CA10: variants seen among roughly 807,000 people sequenced by gnomAD.
The protein encoded by CA10 is carbonic anhydrase 10 (inactive), also known as carbonic anhydrase-related protein 10.
A neutral mutation model predicts 44.2 loss-of-function variants in CA10; 14 were observed. That is an observed-to-expected ratio of 0.32 (90% confidence interval 0.21 to 0.50). CA10 has a LOEUF of 0.50. Ranked by LOEUF, CA10 falls within the 20% of genes least tolerant of loss-of-function variation. The pLI is 0.99. For synonymous variants in CA10, 159 were observed against 141.6 expected (o/e 1.12, Z -0.87); for missense variants, 350 against 409.7 (o/e 0.85, Z 1.26).
chr17:51,863,269 C>T (rs574492155), intron 3 of CA10, among the ~76,000 whole-genome samples: 62 of 152,292 alleles, frequency 4.1e-4, no homozygotes, highest in African/African-American at 1.3e-3. Flanking sequence ...TTATTCCATA[C>T]GCTGCTCTTT....
intron 2 of CA10, among the ~76,000 whole-genome samples, chr17:52,009,326 A>G (rs1985707932): frequency 6.6e-6 from 1 of 152,000 alleles, no homozygotes; most frequent in Non-Finnish European, 1.5e-5. Context: ...TGTTCTATAC[A>G]AAGCAAAACA....
At chr17:52,155,840 T>C (rs927778897) in intron 1 of CA10, among the ~76,000 whole-genome samples, 8 of 152,362 alleles carry the variant, frequency 5.3e-5, no homozygotes, top group Non-Finnish European at 7.3e-5. Flanking sequence ...ATGTACTCCA[T>C]AGCACTCCTC....
Position 52,088,022 on chromosome 17 carries a change from T to C in CA10, c.62-15629A>G, listed in dbSNP as rs145735388. On this transcript the variant is annotated intron_variant, in intron 1 of 8. Transcript: ENST00000451037. ...CATGTTTTCACAAGTGGGAGCTAAATGATGAGAGCACATGGACACATAGCA... is the reference window on the plus strand; with the variant it reads ...CATGTTTTCACAAGTGGGAGCTAAACGATGAGAGCACATGGACACATAGCA... Among the ~76,000 whole-genome samples the C allele has an allele frequency of 4.0e-3, 603 of 152,118 alleles. 2 individuals are homozygous for C. Among genetic ancestry groups the C allele is most frequent in the African/African-American group, 0.014 (572 of 41,494 alleles).
At chr17:51,889,249 T>C (rs971897060) in intron 3 of CA10, among the ~76,000 whole-genome samples, 4 of 152,128 alleles carry the variant, frequency 2.6e-5, no homozygotes, top group African/African-American at 9.7e-5. Context: ...TGGGCAGGTA[T>C]GGTGGCTCAT....
intron 3 of CA10, among the ~76,000 whole-genome samples, chr17:51,833,647 A>G (rs1908366780): frequency 6.6e-6 from 1 of 152,246 alleles, no homozygotes; most frequent in Non-Finnish European, 1.5e-5. Flanking sequence ...CTGTCAGAGT[A>G]TAAGAAAAGG....
At chr17:51,998,899 T>C (rs770759684) in intron 2 of CA10, among the ~76,000 whole-genome samples, 4 of 152,052 alleles carry the variant, frequency 2.6e-5, no homozygotes, top group Admixed American at 6.6e-5. Flanking sequence ...TTTCTTCCAC[T>C]TCACATAAAC....
At chr17:51,756,502 T>C (rs1905085480) in intron 3 of CA10, among the ~76,000 whole-genome samples, 1 of 148,342 alleles carries the variant, frequency 6.7e-6, no homozygotes, top group Non-Finnish European at 1.5e-5. Flanking sequence ...GTCTTTGCTC[T>C]GTCGCCCAGG....
chr17:52,132,853 G>A (rs539108292), intron 1 of CA10, among the ~76,000 whole-genome samples: 1 of 152,240 alleles, frequency 6.6e-6, no homozygotes, highest in South Asian at 2.1e-4. Flanking sequence ...CCAGACACAG[G>A]TGACATCTCG....
At chr17:52,095,221 T>C (rs1267713941) in intron 1 of CA10, among the ~76,000 whole-genome samples, 1 of 152,162 alleles carries the variant, frequency 6.6e-6, no homozygotes, top group Non-Finnish European at 1.5e-5. Flanking sequence ...AAAGAGTACA[T>C]TCTGCATGAT....
intron 1 of CA10, among the ~76,000 whole-genome samples, chr17:52,074,229 C>T (rs1228912811): frequency 6.6e-6 from 1 of 152,070 alleles, no homozygotes; most frequent in Non-Finnish European, 1.5e-5. Context: ...ACAGTACAAC[C>T]TACTAAAAAA....
intron 3 of CA10, among the ~76,000 whole-genome samples, chr17:51,834,294 G>C (rs1188825363): frequency 6.6e-6 from 1 of 152,190 alleles, no homozygotes; most frequent in Non-Finnish European, 1.5e-5. Context: ...GAATGATTTA[G>C]AGATTTTTCC....
chr17:51,953,496 G>C (rs977475160), intron 2 of CA10, among the ~76,000 whole-genome samples: 2 of 150,956 alleles, frequency 1.3e-5, no homozygotes, highest in African/African-American at 4.9e-5. Flanking sequence ...AGAATGTCTA[G>C]ATTTCCTGCT....
chr17:51,803,548 T>C (rs1459829195), intron 3 of CA10, among the ~76,000 whole-genome samples: 4 of 152,170 alleles, frequency 2.6e-5, no homozygotes, highest in Admixed American at 2.6e-4. Context: ...TATTTCTACC[T>C]TTTTTGGGTG....
chr17:52,089,280 G>A (rs1988199972), intron 1 of CA10, among the ~76,000 whole-genome samples: 1 of 152,160 alleles, frequency 6.6e-6, no homozygotes, highest in Admixed American at 6.5e-5. Context: ...AAAGATGCTG[G>A]TCTTGGTGAG....
intron 1 of CA10, among the ~76,000 whole-genome samples, chr17:52,077,752 G>C (rs905673340): frequency 3.3e-5 from 5 of 152,016 alleles, no homozygotes; most frequent in African/African-American, 1.2e-4. Flanking sequence ...ATCTTTTCCA[G>C]ATCTGAAATT....
chr17:51,812,200 C>T (rs1032653671), intron 3 of CA10, among the ~76,000 whole-genome samples: 1 of 152,220 alleles, frequency 6.6e-6, no homozygotes, highest in South Asian at 2.1e-4. Context: ...AGTATTAAAC[C>T]TAGCACTACT....
chr17:52,010,248 C>T lies in CA10; in HGVS notation c.136+62071G>A, dbSNP rs924776930. Among the ~76,000 whole-genome samples, 10 of 151,878 alleles carry T rather than the reference C, an allele frequency of 6.6e-5. No individual in the cohort carries two copies. In the South Asian group the frequency reaches 8.3e-4, roughly 13 times the overall value. On this transcript the variant is annotated intron_variant, in intron 2 of 8. Transcript: ENST00000451037. ...TGTTTAATCCATCAATCCCACTTCT[C>T]GGTATCTACCTAGAGGAAAAGAGTT...
intron 6 of CA10, among the ~76,000 whole-genome samples, chr17:51,644,180 T>C (rs1913223504): frequency 6.6e-6 from 1 of 152,096 alleles, no homozygotes; most frequent in South Asian, 2.1e-4. Flanking sequence ...CCCCCTTTTT[T>C]TTTTTCCTGG....
At chr17:51,781,597 T>C (rs1229105251) in intron 3 of CA10, among the ~76,000 whole-genome samples, 1 of 152,208 alleles carries the variant, frequency 6.6e-6, no homozygotes, top group Non-Finnish European at 1.5e-5. Context: ...TTTGAGTTCC[T>C]TGAAAGTGGA....
Sources: gnomAD v4.1 joint callset for allele counts (sites outside exome capture counted in the v4.1 genomes callset) on GRCh38, gnomAD v4.1.1 for gene constraint, MANE v1.5 for transcripts, NCBI Gene and HGNC (gene_info 2026-07-23, HGNC 2026-07-21) for gene names.